The following CCDC150 variants were observed in gnomAD, a reference collection of about 807,000 sequenced individuals.
CCDC150 encodes coiled-coil domain-containing protein 150.
Under a neutral mutation model 156.5 loss-of-function variants are expected in CCDC150, and 151 were observed. The observed-to-expected ratio is 0.97, with a 90% CI of 0.85 to 1.10. CCDC150 has a LOEUF of 1.10. Among genes scored for constraint, CCDC150 ranks in the 50% least tolerant of loss-of-function variants. The pLI, the probability that CCDC150 is intolerant of heterozygous loss-of-function variation, is 0.00. For synonymous variants in CCDC150, 452 were observed against 429.4 expected, an observed-to-expected ratio of 1.05 and a Z score of -0.65; for missense variants, 1,312 against 1,268.1, an observed-to-expected ratio of 1.03 and a Z score of -0.53.
chr2:196,666,132 G>A (rs555006617), intron 6 of CCDC150, among the ~76,000 whole-genome samples: 1 of 152,028 alleles, frequency 6.6e-6, no homozygotes, highest in Non-Finnish European at 1.5e-5. Flanking sequence ...AAACAATCAG[G>A]ACTATATTTA....
At position 196,669,825 on chromosome 2, in the gene CCDC150, G is replaced by A. The variant is rs1394192628; in HGVS notation, c.893-8G>A. 1 of 1,596,532 alleles carries A rather than the reference G, an allele frequency of 6.3e-7. No homozygotes were observed. The highest frequency in any genetic ancestry group is 1.3e-5 in the African/African-American group (1 of 74,160). Reference sequence around the variant, plus strand: ...ATTATCATAGTTATGTGGAATTTTTGTTTTTAGCTTCTAGAGATGACCTCA... The same window carrying A: ...ATTATCATAGTTATGTGGAATTTTTATTTTTAGCTTCTAGAGATGACCTCA... On this transcript the variant is annotated splice_region_variant and splice_polypyrimidine_tract_variant and intron_variant, in intron 7 of 27. Coordinates refer to ENST00000389175, the MANE Select transcript of CCDC150 (RefSeq NM_001080539.2).
intron 17 of CCDC150, among the ~76,000 whole-genome samples, chr2:196,713,848 A>G (rs1697305086): frequency 6.6e-6 from 1 of 152,230 alleles, no homozygotes; most frequent in Non-Finnish European, 1.5e-5. Flanking sequence ...CCTAGCCATC[A>G]CATAATTAGT....
chr2:196,718,575 G>C lies in CCDC150; in HGVS notation c.1939G>C (p.Glu647Gln). The change falls in exon 18 of 28, where the codon GAG becomes CAG. Residue 647 changes from glutamate (E) to glutamine (Q), a missense_variant. By Grantham distance (29) the Glu-to-Gln change is conservative. Transcript: ENST00000389175. Reference protein sequence around the residue: ...TVKCRNAALKESQKLKEDLEA... With the variant: ...TVKCRNAALKQSQKLKEDLEA... Reference sequence around the variant, plus strand: ...GAAGTGTCGTAATGCGGCCCTGAAAGAGAGTCAGAAGTTGAAAGAAGACCT... The same window carrying C: ...GAAGTGTCGTAATGCGGCCCTGAAACAGAGTCAGAAGTTGAAAGAAGACCT... 16 of 1,613,888 alleles carry C rather than the reference G, an allele frequency of 9.9e-6. No homozygotes were observed. The highest frequency in any genetic ancestry group is 1.4e-5 in the Non-Finnish European group (16 of 1,179,816).
intron 1 of CCDC150, among the ~76,000 whole-genome samples, chr2:196,641,419 G>A (rs1437710292): frequency 2.0e-5 from 3 of 152,014 alleles, no homozygotes; most frequent in Non-Finnish European, 2.9e-5. Flanking sequence ...TGCTGTTTCC[G>A]TCTTCTGGGC....
At chr2:196,710,261 G>A (rs1013506132) in intron 15 of CCDC150, among the ~76,000 whole-genome samples, 2 of 152,184 alleles carry the variant, frequency 1.3e-5, no homozygotes, top group African/African-American at 4.8e-5. Flanking sequence ...TCAGACTTCT[G>A]CGTTAGCAGT....
intron 5 of CCDC150, among the ~76,000 whole-genome samples, chr2:196,663,236 C>T (rs1222462976): frequency 6.6e-6 from 1 of 151,996 alleles, no homozygotes; most frequent in Non-Finnish European, 1.5e-5. Flanking sequence ...GAGACCCAGT[C>T]TCAAAAACAA....
rs1480012754 is a variant in CCDC150, at chr2:196,677,375, T to C, written c.1509+14T>C. The C allele has an allele frequency of 2.7e-6, 4 of 1,456,234 alleles. No homozygotes were observed. Among genetic ancestry groups the C allele is most frequent in the Admixed American group, 1.9e-5 (1 of 51,290 alleles). The allele number at this position is 1,456,234 out of a possible 1,614,324, so 90.2% of individuals were successfully genotyped here. ...GCTAAAAACAAGGTATTCTTCATTT[T>C]ACTTACTGATATTTCACTATATTTC... On this transcript the variant is annotated intron_variant, in intron 13 of 27. Transcript: ENST00000389175.
intron 15 of CCDC150, among the ~76,000 whole-genome samples, chr2:196,702,535 AT>A (rs1438459007): frequency 6.6e-6 from 1 of 151,634 alleles, no homozygotes; most frequent in Non-Finnish European, 1.5e-5. Flanking sequence ...AAGTTTTTTC[AT>A]ATTTTTGGTT....
At chr2:196,679,957 G>A (rs762657360) in intron 13 of CCDC150, among the ~76,000 whole-genome samples, 11 of 151,830 alleles carry the variant, frequency 7.2e-5, no homozygotes, top group Non-Finnish European at 1.3e-4. Context: ...TTGTTTTTCT[G>A]GAGTTTTCAG....
chr2:196,667,594 A>G (rs1481239054), intron 7 of CCDC150: 1 of 152,238 alleles, frequency 6.6e-6, no homozygotes, highest in Non-Finnish European at 1.5e-5. Flanking sequence ...TTCATTCAGT[A>G]CTCAAAGCTA....
intron 1 of CCDC150, among the ~76,000 whole-genome samples, chr2:196,640,078 C>T (rs1447595346): frequency 6.6e-6 from 1 of 152,176 alleles, no homozygotes; most frequent in Non-Finnish European, 1.5e-5. Context: ...TTAATAGGTT[C>T]CTGGGAAGGC....
chr2:196,732,341 A>T (rs1266492770), intron 27 of CCDC150, 105 bp from the exon 28 acceptor site: 4 of 1,117,442 alleles, frequency 3.6e-6, no homozygotes, highest in Non-Finnish European at 4.0e-6. Context: ...TTAGATTAGA[A>T]TCACTTGTCT....
intron 17 of CCDC150, among the ~76,000 whole-genome samples, chr2:196,717,418 A>G (rs1483545376): frequency 2.0e-5 from 3 of 152,218 alleles, no homozygotes; most frequent in Non-Finnish European, 4.4e-5. Flanking sequence ...ATAAAATTGC[A>G]TGGAACTGTG....
At chr2:196,696,533 A>C (rs1211810715) in intron 14 of CCDC150, among the ~76,000 whole-genome samples, 2 of 152,162 alleles carry the variant, frequency 1.3e-5, no homozygotes, top group Non-Finnish European at 2.9e-5. Flanking sequence ...ACTTTGACAG[A>C]TCTTGCCAGT....
At chr2:196,639,948 G>A (rs1003218612) in intron 1 of CCDC150, among the ~76,000 whole-genome samples, 170 bp downstream of exon 1, 1 of 152,194 alleles carries the variant, frequency 6.6e-6, no homozygotes, top group Non-Finnish European at 1.5e-5. Flanking sequence ...GTTGGCTGCC[G>A]GTGAAAGCCA....
At chr2:196,711,852 A>C (rs1697137611) in intron 15 of CCDC150, among the ~76,000 whole-genome samples, 1 of 152,098 alleles carries the variant, frequency 6.6e-6, no homozygotes, top group South Asian at 2.1e-4. Context: ...CATTAGCCAC[A>C]AAATCTCACT....
chr2:196,683,768 A>G (rs775148078), intron 13 of CCDC150, among the ~76,000 whole-genome samples: 7 of 151,904 alleles, frequency 4.6e-5, no homozygotes, highest in Non-Finnish European at 7.4e-5. Flanking sequence ...GAATTTGTCC[A>G]TTTCATCTAG....
intron 22 of CCDC150, chr2:196,727,738 C>T (rs1027347604): frequency 1.3e-5 from 2 of 152,008 alleles, no homozygotes; most frequent in Non-Finnish European, 2.9e-5. Context: ...TACAGCCGGG[C>T]ACAGTGGCTC....
At chr2:196,673,402 C>T (rs72918625) in intron 9 of CCDC150, among the ~76,000 whole-genome samples, 7,569 of 152,248 alleles carry the variant, frequency 0.05, 278 homozygotes, top group Non-Finnish European at 0.07. Context: ...TCTGTTTCGT[C>T]CCCAGGTATT....
Sources: gnomAD v4.1 joint callset for allele counts (sites outside exome capture counted in the v4.1 genomes callset) on GRCh38, gnomAD v4.1.1 for gene constraint, MANE v1.5 for transcripts, NCBI Gene and HGNC (gene_info 2026-07-23, HGNC 2026-07-21) for gene names.